The following KLK13 variants were observed in gnomAD, a reference collection of about 807,000 sequenced individuals.
The protein encoded by KLK13 is kallikrein related peptidase 13.
KLK13 carries 19 observed loss-of-function variants against 22.4 expected under a neutral mutation model. That is an observed-to-expected ratio of 0.85 (90% CI 0.59 to 1.24). The LOEUF is 1.24. Among genes scored for constraint, KLK13 ranks in the 50% most tolerant of loss-of-function variants. The probability of loss-of-function intolerance (pLI) is 0.00; values close to 1 mark genes in which losing one functional copy is unlikely to be tolerated. For missense variants in KLK13, 311 were observed against 347.9 expected (o/e 0.89, Z 0.84); for synonymous variants, 156 against 141.8 (o/e 1.10, Z -0.71).
rs1188782755 is a variant in KLK13 at position 51,060,451 on chromosome 19, G to T, written c.221C>A (p.Ala74Asp). ...VLVHPKWVLTAAHCLKEGLKV... is the reference protein window; with the variant it reads ...VLVHPKWVLTDAHCLKEGLKV... ...CACATACTCCTTTAGACAGTGTGCG[G>T]CAGTGAGGACCCATTTGGGGTGGAC... The change falls in exon 2 of 5, where the codon GCC becomes GAC. Residue 74 changes from alanine to aspartate, a missense_variant. Physicochemically the swap from Ala to Asp is moderately radical, Grantham distance 126 (BLOSUM62 -2). Coordinates refer to ENST00000595793, the MANE Select transcript of KLK13 (RefSeq NM_015596.3). 3 of 1,611,270 alleles carry T rather than the reference G, an allele frequency of 1.9e-6. No individual in the cohort carries two copies. The African/African-American group carries it at 4.0e-5, about 22-fold the overall frequency.
intron 4 of KLK13, among the ~76,000 whole-genome samples, chr19:51,057,157 A>T (rs1599781825): frequency 6.6e-6 from 1 of 151,614 alleles, no homozygotes; most frequent in African/African-American, 2.4e-5. Context: ...ACACCAGCTG[A>T]CCCTGCTCCT....
At chr19:51,064,861 A>G in intron 1 of KLK13, 155 bp downstream of exon 1, 1 of 662,574 alleles carries the variant, frequency 1.5e-6, no homozygotes. Flanking sequence ...TCACCCAGGG[A>G]CAAGCAGGAA....
At chr19:51,057,504 A>G (rs757885181) in intron 4 of KLK13, among the ~76,000 whole-genome samples, 11 of 152,048 alleles carry the variant, frequency 7.2e-5, no homozygotes, top group Admixed American at 1.3e-4. Context: ...GCCTTGCTCT[A>G]TCACCCAGGC....
intron 1 of KLK13, 37 bp downstream of exon 1, chr19:51,064,979 G>T: frequency 6.6e-7 from 1 of 1,512,944 alleles, no homozygotes; most frequent in South Asian, 1.2e-5. Context: ...CCATTGTCCC[G>T]AATGGCCGCC....
chr19:51,064,992 G>T, intron 1 of KLK13, 24 bp downstream of exon 1: 1 of 1,469,422 alleles, frequency 6.8e-7, no homozygotes, highest in Non-Finnish European at 9.1e-7. Flanking sequence ...TGGCCGCCGC[G>T]CCTCCACCCC....
intron 1 of KLK13, among the ~76,000 whole-genome samples, chr19:51,062,212 T>C (rs2091737273): frequency 6.6e-6 from 1 of 152,210 alleles, no homozygotes; most frequent in African/African-American, 2.4e-5. Context: ...TATACATATA[T>C]GGAATATTCT....
At chr19:51,059,317 A>C (rs1216038385) in intron 3 of KLK13, among the ~76,000 whole-genome samples, 1 of 148,432 alleles carries the variant, frequency 6.7e-6, no homozygotes, top group Admixed American at 6.7e-5. Flanking sequence ...AATTATAGAA[A>C]TATAAACATT....
rs760070503 is a variant in KLK13 at position 51,060,522 on chromosome 19, C to T, written c.150G>A (p.Gln50=). ...GCCGCCCTTGCACTAGTAGGGCAGC[C>T]TGCCAGGGCTGAGAGTGGGGGAAGC... ...YTCFPHSQPW[Q]AALLVQGRLL... The change falls in exon 2 of 5, where the codon CAG becomes CAA. Residue 50 remains glutamine, a synonymous_variant. Coordinates refer to ENST00000595793, the MANE Select transcript of KLK13 (RefSeq NM_015596.3). 2.9e-5 allele frequency: 47 copies of T among 1,613,874 alleles called. No individual in the cohort carries two copies. The highest frequency in any genetic ancestry group is 3.3e-5 in the Non-Finnish European group (39 of 1,179,906).
At chr19:51,060,751 G>A (rs765635201) in intron 1 of KLK13, 132 bp from the exon 2 acceptor site, 24 of 659,984 alleles carry the variant, frequency 3.6e-5, no homozygotes, top group Non-Finnish European at 4.9e-5. Flanking sequence ...TGAATTTGCC[G>A]ACCTATGGCA....
At position 51,058,541 on chromosome 19, in the gene KLK13, A is replaced by G; in HGVS notation, c.642T>C (p.Cys214=). 6.2e-7 allele frequency: 1 copy of G among 1,614,008 alleles called. No homozygotes were observed. The highest frequency in any genetic ancestry group is 1.3e-5 in the African/African-American group (1 of 74,986). Residue 214 remains cysteine (C), a synonymous_variant, in exon 4 of 5, where the codon TGT becomes TGC. Coordinates refer to ENST00000595793, the MANE Select transcript of KLK13 (RefSeq NM_015596.3). ...CCCACCAGCCTCCCGGCCTCACCTCACAGGAGTCTTTGCCACCCTCTTTTG... is the reference window on the plus strand; with the variant it reads ...CCCACCAGCCTCCCGGCCTCACCTCGCAGGAGTCTTTGCCACCCTCTTTTG... ...AGTKEGGKDS[C]EGDSGGPLVC...
chr19:51,063,478 G>T (rs951448307), intron 1 of KLK13: 12 of 351,490 alleles, frequency 3.4e-5, no homozygotes, highest in African/African-American at 2.1e-4. Context: ...AAACAACCTT[G>T]ATTAGGATTC....
chr19:51,063,505 G>A (rs975592901), intron 1 of KLK13: 33 of 362,168 alleles, frequency 9.1e-5, no homozygotes, highest in South Asian at 4.9e-4. Context: ...AGGCATCGCC[G>A]GTGTCATTGG....
upstream of KLK13, among the ~76,000 whole-genome samples, chr19:51,065,483 C>T (rs1439788236): frequency 6.6e-6 from 1 of 152,120 alleles, no homozygotes; most frequent in East Asian, 1.9e-4. Context: ...CGCCTCTCTC[C>T]GTCTCTGCAG....
At position 51,060,422 on chromosome 19, in the gene KLK13, C is replaced by T; in HGVS notation, c.239+11G>A. 2 of 1,564,200 alleles carry T rather than the reference C, an allele frequency of 1.3e-6. No individual in the cohort carries two copies. Among genetic ancestry groups the T allele is most frequent in the East Asian group, 2.3e-5 (1 of 44,182 alleles). ...TCATCCCTACCCCATGCTCCCCCGG[C>T]CCCCACATACTCCTTTAGACAGTGT... On this transcript the variant is annotated intron_variant, in intron 2 of 4. Transcript: ENST00000595793.
chr19:51,059,799 C>T lies in KLK13; in HGVS notation c.508+26G>A, dbSNP rs1349855265. The T allele has an allele frequency of 1.9e-6, 3 of 1,554,362 alleles. No individual in the cohort carries two copies. In the African/African-American group the frequency reaches 4.2e-5, roughly 22 times the overall value. Reference sequence around the variant, plus strand: ...GTTTCCCCAGCCACTCCTATGGGGCCTCAGGCCACCTGTGTGGGTGCATAC... The same window carrying T: ...GTTTCCCCAGCCACTCCTATGGGGCTTCAGGCCACCTGTGTGGGTGCATAC... On this transcript the variant is annotated intron_variant, in intron 3 of 4. Transcript: ENST00000595793.
At chr19:51,060,392 C>G in intron 2 of KLK13, 41 bp downstream of exon 2, 1 of 1,531,618 alleles carries the variant, frequency 6.5e-7, no homozygotes. Context: ...ATCCCAGTCC[C>G]ATTCTCATCC....
In KLK13 at chr19:51,056,124, G is replaced by T. The variant is rs1039124934; in HGVS notation, c.*463C>A. 3 of 154,126 alleles carry T rather than the reference G, an allele frequency of 1.9e-5. No homozygotes were observed. Among genetic ancestry groups the T allele is most frequent in the Non-Finnish European group, 2.9e-5 (2 of 69,412 alleles). The allele number at this position is 154,126 out of a possible 1,614,324, so 9.5% of individuals were successfully genotyped here. ...ATATTTTCAGGATGAACTATCATGG[G>T]AGTCTAGAGCCTTCTTGAGTGCAAA... On this transcript the variant is annotated 3_prime_UTR_variant, in exon 5 of 5. Transcript: ENST00000595793.
chr19:51,061,606 C>T (rs564626812), intron 1 of KLK13, among the ~76,000 whole-genome samples: 1 of 152,342 alleles, frequency 6.6e-6, no homozygotes, highest in East Asian at 1.9e-4. Context: ...ATCCAGTTAT[C>T]TCCACACTTC....
At chr19:51,065,104 G>A, upstream of KLK13, 3 of 1,367,396 alleles carry the variant, frequency 2.2e-6, no homozygotes, top group East Asian at 2.6e-5. Context: ...GGGCGGGCGG[G>A]GCCTGAGGAG....
Sources: gnomAD v4.1 joint callset for allele counts (sites outside exome capture counted in the v4.1 genomes callset) on GRCh38, gnomAD v4.1.1 for gene constraint, MANE v1.5 for transcripts, NCBI Gene and HGNC (gene_info 2026-07-23, HGNC 2026-07-21) for gene names.